Variants in SSC5D observed in about 807,000 individuals in gnomAD.
SSC5D encodes the protein scavenger receptor cysteine rich family member with 5 domains.
In SSC5D, 106 loss-of-function variants were observed where a neutral mutation model predicts 104.6. The observed-to-expected ratio is 1.01, with a 90% confidence interval of 0.87 to 1.19. The LOEUF (loss-of-function observed/expected upper bound fraction) is 1.19, where lower values mean the gene tolerates loss of function less well. Ranked by LOEUF, SSC5D falls within the 50% of genes most tolerant of loss-of-function variation. The pLI, the probability that SSC5D is intolerant of heterozygous loss-of-function variation, is 0.00. For missense variants in SSC5D, 1,993 were observed against 2,153.8 expected (o/e 0.93, Z 1.48); for synonymous variants, 860 against 883.5 (o/e 0.97, Z 0.47).
chr19:55,491,800 TTC>T (rs1235394927), intron 6 of SSC5D: 1 of 152,522 alleles, frequency 6.6e-6, no homozygotes, highest in East Asian at 1.9e-4. Context: ...CTCTTTCCCT[TTC>T]TCTTTCCTTT....
rs1442703431 is a variant in SSC5D at position 55,517,395 on chromosome 19, C to T, written c.3119C>T (p.Ala1040Val). 4 of 1,550,802 alleles carry T rather than the reference C, an allele frequency of 2.6e-6. No individual in the cohort carries two copies. In the African/African-American group the frequency reaches 5.5e-5, roughly 21 times the overall value. ...CCCCACTCAGCCTTGACGTCCGAGG[C>T]GACCTCTGACGCTCCGGACACTTCA... ...LTPHSALTSE[A>V]TSDAPDTSPP... The change falls in exon 14 of 14, where the codon GCG becomes GTG. Residue 1040 changes from alanine (A) to valine (V), a missense_variant. Ala to Val is a moderately conservative substitution (Grantham distance 64). This residue lies in a region of SSC5D where 423 missense variants were observed against 409.2 expected (regional missense o/e 1.03). Coordinates refer to ENST00000389623, the MANE Select transcript of SSC5D (RefSeq NM_001144950.2).
Position 55,518,265 on chromosome 19 carries a change from C to T in SSC5D, c.3989C>T (p.Pro1330Leu), listed in dbSNP as rs568193889. Reference protein sequence around the residue: ...TTTPHPTTPDPSSTPVITTVS... With the variant: ...TTTPHPTTPDLSSTPVITTVS... ...ACCCCTCACCCCACAACTCCTGACC[C>T]TTCCTCAACCCCTGTCATCACTACT... Residue 1330 changes from proline to leucine, a missense_variant, in exon 14 of 14, where the codon CCT (proline) becomes CTT (leucine). Coordinates refer to ENST00000389623, the MANE Select transcript of SSC5D (RefSeq NM_001144950.2). The T allele has an allele frequency of 1.2e-4, 187 of 1,498,792 alleles. 1 individual carries two copies. In the Admixed American group the frequency reaches 2.4e-3, roughly 19 times the overall value. The allele number at this position is 1,498,792 out of a possible 1,614,324, so 92.8% of individuals were successfully genotyped here. A position where few individuals can be genotyped will look rare whatever the true frequency, so the allele number is the denominator to read the frequency against.
chr19:55,513,942 G>T (rs542186), intron 13 of SSC5D, among the ~76,000 whole-genome samples: 59,975 of 152,078 alleles, frequency 0.39, 13,824 homozygotes, highest in South Asian at 0.57. Context: ...AGTGTATTTA[G>T]AAATGCCCAC....
chr19:55,491,125 C>T, intron 6 of SSC5D, 45 bp downstream of exon 6: 3 of 1,514,618 alleles, frequency 2.0e-6, no homozygotes, highest in Non-Finnish European at 2.7e-6. Context: ...TCCTCAGACC[C>T]CAGCTCCCTC....
Position 55,489,982 on chromosome 19 carries a change from C to G in SSC5D, c.462C>G (p.Pro154=). 1 of 1,549,224 alleles carries G rather than the reference C, an allele frequency of 6.5e-7. No homozygotes were observed. Among genetic ancestry groups the G allele is most frequent in the Non-Finnish European group, 8.7e-7 (1 of 1,146,474 alleles). ...AGCTGAGCCCCAGCACGGAGGAGCC[C>G]CTGGTGACACATGGTGAGCCCAGGG... ...LLELSPSTEE[P]LVTHAPRPAG... Residue 154 remains proline (P), a synonymous_variant, in exon 4 of 14, where the codon CCC becomes CCG. Transcript: ENST00000389623.
rs1987068404 is a variant in SSC5D at position 55,489,530 on chromosome 19, G to A, written c.229G>A (p.Glu77Lys). The A allele has an allele frequency of 2.0e-6, 3 of 1,469,780 alleles. No homozygotes were observed. Among genetic ancestry groups the A allele is most frequent in the South Asian group, 1.4e-5 (1 of 73,276 alleles). 91.0% of individuals were successfully genotyped at this position (1,469,780 alleles called of 1,614,324 possible). A position where few individuals can be genotyped will look rare whatever the true frequency, so the allele number is the denominator to read the frequency against. Reference sequence around the variant, plus strand: ...CGCCCCGGGAGGCGCCTTCTTCGGGGAGGGGGCAGGGCCTGTGTGGCTCAG... The same window carrying A: ...CGCCCCGGGAGGCGCCTTCTTCGGGAAGGGGGCAGGGCCTGTGTGGCTCAG... Reference protein sequence around the residue: ...LAAPGGAFFGEGAGPVWLSEL... With the variant: ...LAAPGGAFFGKGAGPVWLSEL... The change falls in exon 3 of 14, where the codon GAG (glutamate) becomes AAG (lysine). Residue 77 changes from glutamate to lysine, a missense_variant. Physicochemically the swap from Glu to Lys is moderately conservative, Grantham distance 56 (BLOSUM62 1). Transcript: ENST00000389623.
In SSC5D at chr19:55,518,135, C is replaced by T. The variant is rs1200307114; in HGVS notation, c.3859C>T (p.Pro1287Ser). The change falls in exon 14 of 14, where the codon CCT becomes TCT. Residue 1287 changes from proline to serine, a missense_variant. This residue lies in a region of SSC5D where 349 missense variants were observed against 397.6 expected (regional missense o/e 0.88). Coordinates refer to ENST00000389623, the MANE Select transcript of SSC5D (RefSeq NM_001144950.2). Reference protein sequence around the residue: ...PTTTPHPTTTPHPTTTPHPTT... With the variant: ...PTTTPHPTTTSHPTTTPHPTT... ...CACGACCCCTCACCCCACCACGACT[C>T]CTCACCCCACCACAACCCCTCACCC... is the stretch of plus-strand genomic sequence containing the variant. The T allele has an allele frequency of 4.3e-6, 6 of 1,398,148 alleles. No individual in the cohort carries two copies. In the South Asian group the frequency reaches 7.7e-5, roughly 18 times the overall value. The allele number at this position is 1,398,148 out of a possible 1,614,324, so 86.6% of individuals were successfully genotyped here.
At chr19:55,505,434 T>A (rs1174806922) in intron 12 of SSC5D, among the ~76,000 whole-genome samples, 1 of 151,872 alleles carries the variant, frequency 6.6e-6, no homozygotes, top group East Asian at 1.9e-4. Context: ...TTTCAATTGC[T>A]GCCATAATAC....
chr19:55,498,729 A>G (rs912127664), intron 9 of SSC5D, among the ~76,000 whole-genome samples: 1 of 152,254 alleles, frequency 6.6e-6, no homozygotes, highest in Non-Finnish European at 1.5e-5. Flanking sequence ...CAGCTCATGT[A>G]GAGAAATACT....
chr19:55,502,076 A>G (rs1056674391), intron 12 of SSC5D, among the ~76,000 whole-genome samples: 1 of 151,804 alleles, frequency 6.6e-6, no homozygotes, highest in East Asian at 1.9e-4. Flanking sequence ...CTCATTTTTA[A>G]TTTTTGTAGA....
At chr19:55,489,164 C>A (rs911647278) in intron 2 of SSC5D, 132 bp downstream of exon 2, 14 of 971,340 alleles carry the variant, frequency 1.4e-5, no homozygotes, top group Non-Finnish European at 1.9e-5. Context: ...GCCCCAGCTC[C>A]GCAAGGGAAT....
chr19:55,501,011 C>A (rs781367380), intron 11 of SSC5D, 23 bp from the exon 12 acceptor site: 2 of 1,550,964 alleles, frequency 1.3e-6, no homozygotes, highest in Non-Finnish European at 1.7e-6. Context: ...ATGGGGTCAA[C>A]CATTACCCCA....
intron 12 of SSC5D, among the ~76,000 whole-genome samples, chr19:55,507,665 C>CAAAAA (rs61340967): frequency 4.0e-5 from 3 of 75,934 alleles, no homozygotes; most frequent in East Asian, 4.5e-4. Context: ...GACTCCGTCT[C>CAAAAA]AAAAAAAAAA....
At chr19:55,506,017 G>A (rs947531062) in intron 12 of SSC5D, among the ~76,000 whole-genome samples, 15 of 151,996 alleles carry the variant, frequency 9.9e-5, no homozygotes, top group Admixed American at 8.5e-4. Flanking sequence ...GATTACAGGC[G>A]TGAGCCACGG....
intron 13 of SSC5D, 116 bp downstream of exon 13, chr19:55,513,288 C>T: frequency 8.9e-7 from 1 of 1,125,632 alleles, no homozygotes; most frequent in Non-Finnish European, 1.2e-6. Flanking sequence ...AGAAATATAC[C>T]CTAAAACAAA....
In SSC5D at chr19:55,495,225, ATATATATATTTTTT is replaced by A. The variant is rs1170669961; in HGVS notation, c.1387+444_1387+457del. Among the ~76,000 whole-genome samples, 8 of 23,230 alleles carry A rather than the reference ATATATATATTTTTT, an allele frequency of 3.4e-4. 1 individual carries two copies. Among genetic ancestry groups the A allele is most frequent in the Non-Finnish European group, 5.3e-4 (6 of 11,268 alleles). The allele number at this position is 23,230 out of a possible 152,430, so 15.2% of individuals were successfully genotyped here. On this transcript the variant is annotated intron_variant, in intron 8 of 13. Coordinates refer to ENST00000389623, the MANE Select transcript of SSC5D (RefSeq NM_001144950.2). ...TCTGCCTGCCTCCTTTCATATATAT[ATATATATATTTTTT>A]TTTTTTTTTTTTTTTTTTTTTGAGA...
intron 12 of SSC5D, among the ~76,000 whole-genome samples, chr19:55,509,286 AT>A (rs1987701120): frequency 6.6e-6 from 1 of 152,178 alleles, no homozygotes; most frequent in South Asian, 2.1e-4. Flanking sequence ...GTGAGTGAGG[AT>A]CCCCATGCAC....
intron 12 of SSC5D, among the ~76,000 whole-genome samples, chr19:55,501,998 G>A (rs955780282): frequency 3.9e-5 from 6 of 152,080 alleles, no homozygotes; most frequent in Non-Finnish European, 8.8e-5. Context: ...GACTGCCCGG[G>A]CCCAAGCGAT....
Position 55,500,332 on chromosome 19 carries a change from C to G in SSC5D, c.2222C>G (p.Ser741Cys). 1 of 1,551,630 alleles carries G rather than the reference C, an allele frequency of 6.4e-7. No homozygotes were observed. The highest frequency in any genetic ancestry group is 8.7e-7 in the Non-Finnish European group (1 of 1,147,000). Residue 741 changes from serine to cysteine, a missense_variant, in exon 10 of 14, where the codon TCT becomes TGT. Physicochemically the swap from Ser to Cys is moderately radical, Grantham distance 112. This residue lies in a region of SSC5D where 1,101 missense variants were observed against 1,085.0 expected (regional missense o/e 1.01). Transcript: ENST00000389623. This position sits in a 1 kb window ranked among gnomAD's most constrained non-coding sequence, Gnocchi z 4.6. The part of the protein sequence containing the change: ...KSIPQASLEP[S>C]AEIPEGSPES... ...ATCCCTCAGGCCTCCCTGGAGCCAT[C>G]TGCTGAGATCCCAGAAGGGTCTCCA...
Sources: gnomAD v4.1 joint callset for allele counts (sites outside exome capture counted in the v4.1 genomes callset) on GRCh38, gnomAD v4.1.1 for gene constraint, gnomAD v4.1.1 regional missense constraint, Gnocchi (gnomAD v3.1) non-coding constraint, MANE v1.5 for transcripts, NCBI Gene and HGNC (gene_info 2026-07-23, HGNC 2026-07-21) for gene names.